DCLK1: variants seen among roughly 807,000 people sequenced by gnomAD.
The protein encoded by DCLK1 is doublecortin like kinase 1, also known as serine/threonine-protein kinase DCLK1.
A neutral mutation model predicts 86.2 loss-of-function variants in DCLK1; 16 were observed. The observed-to-expected ratio is 0.19, with a 90% confidence interval of 0.13 to 0.28. DCLK1 has a LOEUF of 0.28. Among genes scored for constraint, DCLK1 ranks in the 10% least tolerant of loss-of-function variants. The pLI, the probability that DCLK1 is intolerant of heterozygous loss-of-function variation, is 1.00. For missense variants in DCLK1, 590 were observed against 940.2 expected (o/e 0.63, Z 4.87); for synonymous variants, 369 against 370.5 (o/e 1.00, Z 0.05).
chr13:36,060,716 C>T (rs1422058511), intron 3 of DCLK1, among the ~76,000 whole-genome samples: 1 of 152,018 alleles, frequency 6.6e-6, no homozygotes, highest in African/African-American at 2.4e-5. Flanking sequence ...GGTTAAAAAC[C>T]AGACTGCAAC....
At chr13:35,811,949 A>G (rs1333186698) in intron 11 of DCLK1, among the ~76,000 whole-genome samples, 2 of 152,132 alleles carry the variant, frequency 1.3e-5, no homozygotes, top group Non-Finnish European at 2.9e-5. Flanking sequence ...AACATGATCT[A>G]TTTACATTTC....
intron 5 of DCLK1, chr13:35,855,698 G>A (rs1212526304): frequency 2.5e-5 from 35 of 1,391,214 alleles, no homozygotes; most frequent in African/African-American, 5.7e-5. Flanking sequence ...CCTTTTCTGC[G>A]TAAAGCTGAC....
intron 3 of DCLK1, among the ~76,000 whole-genome samples, chr13:36,008,268 A>G (rs1431643769): frequency 9.0e-6 from 1 of 111,354 alleles, no homozygotes; most frequent in African/African-American, 3.7e-5. Context: ...ACATGTGCAC[A>G]TTGTGCAGGT....
intron 3 of DCLK1, among the ~76,000 whole-genome samples, chr13:36,024,495 G>C (rs1397523486): frequency 6.6e-6 from 1 of 151,900 alleles, no homozygotes; most frequent in African/African-American, 2.4e-5. Flanking sequence ...GCATCAAAAA[G>C]AATTAAAGAG....
chr13:35,898,820 C>T (rs1874167774), intron 4 of DCLK1, among the ~76,000 whole-genome samples: 1 of 152,106 alleles, frequency 6.6e-6, no homozygotes, highest in Non-Finnish European at 1.5e-5. Context: ...CGGCTCACAG[C>T]AACCTTTGCC....
At chr13:35,823,608 T>C (rs926014496) in intron 10 of DCLK1, among the ~76,000 whole-genome samples, 2 of 152,224 alleles carry the variant, frequency 1.3e-5, no homozygotes, top group Non-Finnish European at 2.9e-5. Context: ...TATTGCTTTT[T>C]GGTAAAATGG....
chr13:35,871,435 A>T (rs1872269942), intron 4 of DCLK1, 95 bp from the exon 5 acceptor site: 2 of 1,023,288 alleles, frequency 2.0e-6, no homozygotes, highest in Non-Finnish European at 3.0e-6. Context: ...GAAATATATG[A>T]CCATCCTCAG....
chr13:35,794,696 G>GT (rs1251961464), intron 15 of DCLK1, among the ~76,000 whole-genome samples: 2 of 152,190 alleles, frequency 1.3e-5, no homozygotes, highest in Non-Finnish European at 2.9e-5. Flanking sequence ...TCTTTTCTTC[G>GT]TAACTTGGGT....
intron 3 of DCLK1, among the ~76,000 whole-genome samples, chr13:36,020,058 C>T (rs2153150312): frequency 6.6e-6 from 1 of 152,240 alleles, no homozygotes; most frequent in Admixed American, 6.5e-5. Flanking sequence ...CCTCATCTTT[C>T]TCTGTTGCTC....
rs376277682 is a variant in DCLK1 at position 35,850,504 on chromosome 13, A to G, written c.1035+3995T>C. ...GCATTTTGTGTTCAAACTCTCCCCA[A>G]TCAAATCCATGTGGGAGATATTTTT... is the stretch of plus-strand genomic sequence containing the variant. On this transcript the variant is annotated intron_variant, in intron 6 of 16. Transcript: ENST00000360631. The G allele has an allele frequency of 4.4e-4, 532 of 1,213,162 alleles. 1 individual carries two copies. The African/African-American group carries it at 4.5e-3, about 10-fold the overall frequency. The allele number at this position is 1,213,162 out of a possible 1,614,324, so 75.1% of individuals were successfully genotyped here.
chr13:36,067,473 G>A (rs897177784), intron 3 of DCLK1, among the ~76,000 whole-genome samples: 2 of 146,358 alleles, frequency 1.4e-5, no homozygotes, highest in African/African-American at 2.5e-5. Context: ...ACGAGTTAAT[G>A]GGTGCAGCAC....
At chr13:36,053,301 G>A (rs928542132) in intron 3 of DCLK1, among the ~76,000 whole-genome samples, 1 of 152,090 alleles carries the variant, frequency 6.6e-6, no homozygotes, top group African/African-American at 2.4e-5. Flanking sequence ...AGCGGGGCAG[G>A]TATGTACCTT....
At chr13:36,001,323 C>G (rs575524910) in intron 3 of DCLK1, among the ~76,000 whole-genome samples, 2 of 152,264 alleles carry the variant, frequency 1.3e-5, no homozygotes, top group South Asian at 4.1e-4. Flanking sequence ...ACAATGCTAC[C>G]TTTTTGAACA....
intron 3 of DCLK1, among the ~76,000 whole-genome samples, chr13:36,036,794 T>G (rs1882519357): frequency 6.6e-6 from 1 of 152,120 alleles, no homozygotes; most frequent in Non-Finnish European, 1.5e-5. Flanking sequence ...TTAGGAAGGT[T>G]AAAAACAGCA....
At chr13:35,932,777 T>C (rs1285524662) in intron 4 of DCLK1, among the ~76,000 whole-genome samples, 4 of 152,142 alleles carry the variant, frequency 2.6e-5, no homozygotes, top group Non-Finnish European at 5.9e-5. Context: ...AAGATGAGAT[T>C]TGGGTGGGGA....
chr13:35,835,965 A>G (rs1296998168), intron 8 of DCLK1, 68 bp downstream of exon 8: 2 of 1,154,222 alleles, frequency 1.7e-6, no homozygotes, highest in East Asian at 4.8e-5. Context: ...GGAAATAGAG[A>G]CACAATCTTG....
chr13:36,118,486 A>G (rs1411086971), intron 2 of DCLK1, among the ~76,000 whole-genome samples: 1 of 152,088 alleles, frequency 6.6e-6, no homozygotes, highest in Non-Finnish European at 1.5e-5. Context: ...CAATAGATAC[A>G]ATTAGAAGGG....
At chr13:35,959,237 G>A (rs1878313761) in intron 3 of DCLK1, among the ~76,000 whole-genome samples, 1 of 152,136 alleles carries the variant, frequency 6.6e-6, no homozygotes, top group Admixed American at 6.5e-5. Flanking sequence ...AGAGTTGAGT[G>A]AGTAACATGG....
chr13:35,921,131 G>A (rs1426549126), intron 4 of DCLK1, among the ~76,000 whole-genome samples: 6 of 152,096 alleles, frequency 3.9e-5, no homozygotes, highest in Admixed American at 6.5e-5. Context: ...GTCAGATCAC[G>A]TCATACCCTG....
Sources: gnomAD v4.1 joint callset for allele counts (sites outside exome capture counted in the v4.1 genomes callset) on GRCh38, gnomAD v4.1.1 for gene constraint, MANE v1.5 for transcripts, NCBI Gene and HGNC (gene_info 2026-07-23, HGNC 2026-07-21) for gene names.